The following JAK3 variants were observed in gnomAD, a reference collection of about 807,000 sequenced individuals.
The protein encoded by JAK3 is tyrosine-protein kinase JAK3.
In JAK3, 88 loss-of-function variants were observed where a neutral mutation model predicts 120.8. The ratio of observed to expected loss-of-function variants is 0.73; its 90% CI spans 0.61 to 0.87. The LOEUF (loss-of-function observed/expected upper bound fraction) is 0.87. JAK3 is among the 40% of genes least tolerant of loss of function. The pLI, the probability that JAK3 is intolerant of heterozygous loss-of-function variation, is 0.00. For missense variants in JAK3, 1,254 were observed against 1,501.4 expected, an observed-to-expected ratio of 0.84 and a Z score of 2.72; for synonymous variants, 592 against 628.6, an observed-to-expected ratio of 0.94 and a Z score of 0.87.
rs1327507322 is a variant in JAK3, at chr19:17,842,297, CG to C, written c.861+18del. The C allele has an allele frequency of 2.6e-6, 4 of 1,547,208 alleles. No homozygotes were observed. The highest frequency in any genetic ancestry group is 1.7e-6 in the Non-Finnish European group (2 of 1,153,142). On this transcript the variant is annotated intron_variant, in intron 6 of 23. Coordinates refer to ENST00000458235, the MANE Select transcript of JAK3 (RefSeq NM_000215.4). The surrounding 1 kb of genome is among the most constrained non-coding windows in gnomAD (Gnocchi z 6.4). ...CCGCCCCCACGTTGGCCCCGCCCAGCGGGGGAGTCCGCCCTCACCTCCTGTT... is the reference window on the plus strand; with the variant it reads ...CCGCCCCCACGTTGGCCCCGCCCAGCGGGGAGTCCGCCCTCACCTCCTGTT...
At chr19:17,828,800 A>T (rs1028684047) in intron 23 of JAK3, among the ~76,000 whole-genome samples, 2 of 152,208 alleles carry the variant, frequency 1.3e-5, no homozygotes, top group Non-Finnish European at 1.5e-5. Flanking sequence ...TGAGCAAATT[A>T]ATTTATCAAT....
chr19:17,842,712 C>A lies in JAK3; in HGVS notation c.567-102G>T. On this transcript the variant is annotated intron_variant, in intron 5 of 23. Coordinates refer to ENST00000458235, the MANE Select transcript of JAK3 (RefSeq NM_000215.4). The surrounding 1 kb of genome is among the most constrained non-coding windows in gnomAD (Gnocchi z 6.4). ...TTTAGCCCAGGGGCTGGGGTGCGGCCCTAGTTGGGGCACCAGGCACACACA... is the reference window on the plus strand; with the variant it reads ...TTTAGCCCAGGGGCTGGGGTGCGGCACTAGTTGGGGCACCAGGCACACACA... 1 of 1,246,982 alleles carries A rather than the reference C, an allele frequency of 8.0e-7. No homozygotes were observed. Among genetic ancestry groups the A allele is most frequent in the Non-Finnish European group, 1.1e-6 (1 of 916,782 alleles). The allele number at this position is 1,246,982 out of a possible 1,614,324, so 77.2% of individuals were successfully genotyped here.
In JAK3 at chr19:17,847,387, C is replaced by CA. The variant is rs376311340; in HGVS notation, c.-14+558dup. On this transcript the variant is annotated intron_variant, in intron 1 of 23. Coordinates refer to ENST00000458235, the MANE Select transcript of JAK3 (RefSeq NM_000215.4). Reference sequence around the variant, plus strand: ...ATATTATTATTCTGTAATACTGTAACAAAAAAAAATGAAAAGTCAGAGGTG... The same window carrying CA: ...ATATTATTATTCTGTAATACTGTAACAAAAAAAAAATGAAAAGTCAGAGGTG... Among the ~76,000 whole-genome samples, 798 of 150,962 alleles carry CA rather than the reference C, an allele frequency of 5.3e-3. 8 individuals are homozygous for CA. The highest frequency in any genetic ancestry group is 0.017 in the African/African-American group (698 of 41,152).
chr19:17,830,708 A>G (rs2094212417), intron 21 of JAK3, 88 bp from the exon 22 acceptor site: 1 of 1,042,388 alleles, frequency 9.6e-7, no homozygotes, highest in South Asian at 1.3e-5. Flanking sequence ...TGGTCAGGGT[A>G]GGTGGGGACT....
At position 17,831,424 on chromosome 19, in the gene JAK3, G is replaced by A. The variant is rs1325912323; in HGVS notation, c.2806-24C>T. The A allele has an allele frequency of 5.0e-6, 8 of 1,600,192 alleles. No individual in the cohort carries two copies. The Admixed American group carries it at 1.0e-4, about 20-fold the overall frequency. On this transcript the variant is annotated intron_variant, in intron 20 of 23. Transcript: ENST00000458235. This position sits in a 1 kb window ranked among gnomAD's most constrained non-coding sequence, Gnocchi z 5.1. Reference sequence around the variant, plus strand: ...CCCTGCGGGCGGGCGGTGTGAGCGTGCAGAGAGGATCCCAGGATAATCCGG... The same window carrying A: ...CCCTGCGGGCGGGCGGTGTGAGCGTACAGAGAGGATCCCAGGATAATCCGG...
Position 17,831,765 on chromosome 19 carries a change from A to C in JAK3, c.2714T>G (p.Leu905Arg). 6.2e-7 allele frequency: 1 copy of C among 1,612,798 alleles called. No homozygotes were observed. The highest frequency in any genetic ancestry group is 8.5e-7 in the Non-Finnish European group (1 of 1,179,876). ...RQSLRLVMEY[L>R]PSGCLRDFLQ... ...GAAGTCGCGCAAGCAGCCGCTGGGC[A>C]GGTACTCCATGACCAGCCGCAGGCT... The change falls in exon 20 of 24, where the codon CTG becomes CGG. Residue 905 changes from leucine (L) to arginine (R), a missense_variant. Leu to Arg is a moderately radical substitution (Grantham distance 102). Coordinates refer to ENST00000458235, the MANE Select transcript of JAK3 (RefSeq NM_000215.4). The surrounding 1 kb of genome is among the most constrained non-coding windows in gnomAD (Gnocchi z 5.1).
At chr19:17,837,318 T>C in intron 12 of JAK3, 105 bp from the exon 13 acceptor site, 1 of 853,848 alleles carries the variant, frequency 1.2e-6, no homozygotes, top group South Asian at 1.4e-5. Context: ...TGGCCACAGG[T>C]CACCTTTGGC....
Position 17,843,535 on chromosome 19 carries a change from C to T in JAK3, c.309-44G>A. ...ACCCTGGGATGAAAGTGCAACCCAG[C>T]CTCAGTAGGAGTGACATTATGGTGG... is the stretch of plus-strand genomic sequence containing the variant. On this transcript the variant is annotated intron_variant, in intron 3 of 23. Coordinates refer to ENST00000458235, the MANE Select transcript of JAK3 (RefSeq NM_000215.4). The surrounding 1 kb of genome is among the most constrained non-coding windows in gnomAD (Gnocchi z 5.4). 1 of 1,384,854 alleles carries T rather than the reference C, an allele frequency of 7.2e-7. No individual in the cohort carries two copies. Among genetic ancestry groups the T allele is most frequent in the Non-Finnish European group, 1.0e-6 (1 of 989,408 alleles). 85.8% of individuals were successfully genotyped at this position (1,384,854 alleles called of 1,614,324 possible). A position where few individuals can be genotyped will look rare whatever the true frequency, so the allele number is the denominator to read the frequency against.
rs3212722 is a variant in JAK3 at position 17,843,580 on chromosome 19, C to T, written c.309-89G>A. On this transcript the variant is annotated intron_variant, in intron 3 of 23. Coordinates refer to ENST00000458235, the MANE Select transcript of JAK3 (RefSeq NM_000215.4). The surrounding 1 kb of genome is among the most constrained non-coding windows in gnomAD (Gnocchi z 5.4). ...TGGTGGGGGCGAGGGACAGATTCTG[C>T]GGAGGCCTCACAGAGCCCAGCTTGT... The T allele has an allele frequency of 5.4e-3, 6,463 of 1,191,014 alleles. 273 individuals are homozygous for T. In the African/African-American group the frequency reaches 0.086, roughly 16 times the overall value. The allele number at this position is 1,191,014 out of a possible 1,614,324, so 73.8% of individuals were successfully genotyped here.
At position 17,831,932 on chromosome 19, in the gene JAK3, A is replaced by T. The variant is rs894769975; in HGVS notation, c.2681-134T>A. On this transcript the variant is annotated intron_variant, in intron 19 of 23. Coordinates refer to ENST00000458235, the MANE Select transcript of JAK3 (RefSeq NM_000215.4). The surrounding 1 kb of genome is among the most constrained non-coding windows in gnomAD (Gnocchi z 5.1). ...CTGTAATATGGGAACCGCAACAATG[A>T]CACATTGCTAATATCTCTTGAGTAC... is the stretch of plus-strand genomic sequence containing the variant. 1.9e-6 allele frequency: 2 copies of T among 1,033,860 alleles called. No individual in the cohort carries two copies. The highest frequency in any genetic ancestry group is 1.6e-5 in the African/African-American group (1 of 63,536). The allele number at this position is 1,033,860 out of a possible 1,614,324, so 64.0% of individuals were successfully genotyped here. A position where few individuals can be genotyped will look rare whatever the true frequency, so the allele number is the denominator to read the frequency against.
chr19:17,838,121 C>A (rs868019837), intron 11 of JAK3, 58 bp from the exon 12 acceptor site: 1 of 1,613,460 alleles, frequency 6.2e-7, no homozygotes, highest in South Asian at 1.1e-5. Context: ...AGGATCCCAG[C>A]CCAAGCGAGA....
At chr19:17,835,802 G>T in intron 14 of JAK3, 122 bp downstream of exon 14, 1 of 1,218,442 alleles carries the variant, frequency 8.2e-7, no homozygotes, top group Non-Finnish European at 1.2e-6. Flanking sequence ...AACCTAAAAT[G>T]CCCTCCCCTC....
rs2094240360 is a variant in JAK3 at position 17,841,967 on chromosome 19, G to C, written c.862-205C>G. Among the ~76,000 whole-genome samples the C allele has an allele frequency of 7.4e-6, 1 of 135,118 alleles. No homozygotes were observed. The highest frequency in any genetic ancestry group is 1.5e-5 in the Non-Finnish European group (1 of 65,302). 88.6% of individuals were successfully genotyped at this position (135,118 alleles called of 152,430 possible). On this transcript the variant is annotated intron_variant, in intron 6 of 23. Transcript: ENST00000458235. This position sits in a 1 kb window ranked among gnomAD's most constrained non-coding sequence, Gnocchi z 4.1. ...TCTCCCACCCGCTCTGCCAATCCCC[G>C]CCTCCTTCTCTCTGCCGGACCCCGC...
intron 12 of JAK3, 40 bp from the exon 13 acceptor site, chr19:17,837,253 T>C: frequency 1.3e-6 from 2 of 1,497,592 alleles, no homozygotes; most frequent in Non-Finnish European, 1.8e-6. Context: ...CGTGGGTTTC[T>C]TCCACTCCAA....
intron 10 of JAK3, 101 bp downstream of exon 10, chr19:17,839,376 C>A: frequency 9.1e-7 from 1 of 1,102,110 alleles, no homozygotes; most frequent in Non-Finnish European, 1.4e-6. Flanking sequence ...CCCACCTTGA[C>A]CTGCAGTTTC....
At chr19:17,847,860 G>C in intron 1 of JAK3, 86 bp downstream of exon 1, 1 of 636,426 alleles carries the variant, frequency 1.6e-6, no homozygotes. Context: ...TGCCCTGGCA[G>C]CACCCTGCCC....
chr19:17,844,223 G>T lies in JAK3; in HGVS notation c.184+11C>A, dbSNP rs1331165925. 3 of 1,579,894 alleles carry T rather than the reference G, an allele frequency of 1.9e-6. No homozygotes were observed. The highest frequency in any genetic ancestry group is 2.6e-6 in the Non-Finnish European group (3 of 1,164,290). On this transcript the variant is annotated intron_variant, in intron 2 of 23. Transcript: ENST00000458235. ...CTTCCCTCTGGCCCGATCCACTAGG[G>T]ATGCACTCACCGCTGGCCTTGGCAG... is the stretch of plus-strand genomic sequence containing the variant.
In JAK3 at chr19:17,844,433, G is replaced by C; in HGVS notation, c.-13-3C>G. ...GAGGTGCCATGAGTGCAACTTGCCT[G>C]GGGCACAGAGAGAAAAAGCCCCTCA... On this transcript the variant is annotated splice_polypyrimidine_tract_variant and splice_region_variant and intron_variant, in intron 1 of 23. Transcript: ENST00000458235. The C allele has an allele frequency of 6.2e-7, 1 of 1,602,456 alleles. No homozygotes were observed. The highest frequency in any genetic ancestry group is 8.5e-7 in the Non-Finnish European group (1 of 1,175,196).
rs1013637484 is a variant in JAK3 at position 17,831,564 on chromosome 19, C to A, written c.2805+110G>T. 6.6e-7 allele frequency: 1 copy of A among 1,508,024 alleles called. No homozygotes were observed. Among genetic ancestry groups the A allele is most frequent in the Non-Finnish European group, 8.9e-7 (1 of 1,121,664 alleles). 93.4% of individuals were successfully genotyped at this position (1,508,024 alleles called of 1,614,324 possible). On this transcript the variant is annotated intron_variant, in intron 20 of 23. Coordinates refer to ENST00000458235, the MANE Select transcript of JAK3 (RefSeq NM_000215.4). The surrounding 1 kb of genome is among the most constrained non-coding windows in gnomAD (Gnocchi z 5.1). ...AGCCCTAAGCCAACCCCACCACTCCCGAGACCTGGACCCCAAACCACTCCT... is the reference window on the plus strand; with the variant it reads ...AGCCCTAAGCCAACCCCACCACTCCAGAGACCTGGACCCCAAACCACTCCT...
Sources: allele counts gnomAD v4.1 joint callset (sites outside exome capture counted in the v4.1 genomes callset), GRCh38; gene constraint gnomAD v4.1.1; non-coding constraint Gnocchi (gnomAD v3.1); transcripts MANE v1.5; gene names NCBI Gene and HGNC (gene_info 2026-07-23, HGNC 2026-07-21).